Variants in CAPN15 observed in about 807,000 individuals in gnomAD.
The protein encoded by CAPN15 is calpain-15.
CAPN15 carries 53 observed loss-of-function variants against 97.9 expected under a neutral mutation model. The observed-to-expected ratio is 0.54, with a 90% CI of 0.43 to 0.68. The LOEUF (loss-of-function observed/expected upper bound fraction) is 0.68. CAPN15 is among the 30% of genes least tolerant of loss of function. The pLI is 0.00. For missense variants in CAPN15, 1,592 were observed against 1,589.8 expected (o/e 1.00, Z -0.02); for synonymous variants, 922 against 722.5 (o/e 1.28, Z -4.43).
In CAPN15 at chr16:540,163, C is replaced by G. The variant is rs548933149; in HGVS notation, c.-23+4021C>G. 6 of 985,434 alleles carry G rather than the reference C, an allele frequency of 6.1e-6. No individual in the cohort carries two copies. The African/African-American group carries it at 7.0e-5, about 11-fold the overall frequency. 61.0% of individuals were successfully genotyped at this position (985,434 alleles called of 1,614,324 possible). On this transcript the variant is annotated intron_variant, in intron 3 of 13. Coordinates refer to ENST00000219611, the MANE Select transcript of CAPN15 (RefSeq NM_005632.3). ...TGGCCAGAGGTGACCAGGTCCGGCT[C>G]TCAGCACGGCCGCCGGCCGGGGGGC...
Position 546,933 on chromosome 16 carries a change from A to G in CAPN15, c.95A>G (p.Lys32Arg). The change falls in exon 4 of 14, where the codon AAG becomes AGG. Residue 32 changes from lysine (K) to arginine (R), a missense_variant. Lys to Arg is a conservative substitution (Grantham distance 26). Around this residue, in one of 3 missense-constraint regions of CAPN15, gnomAD observed 883 missense variants for 776.6 expected, o/e 1.14. Coordinates refer to ENST00000219611, the MANE Select transcript of CAPN15 (RefSeq NM_005632.3). ...TCCATCTGCGAGGCTCCCCGGCACA[A>G]GCCCGACCTCAACCACATCCTGCGG... ...QCSICEAPRH[K>R]PDLNHILRLS... 1 of 1,610,826 alleles carries G rather than the reference A, an allele frequency of 6.2e-7. No homozygotes were observed. Among genetic ancestry groups the G allele is most frequent in the Non-Finnish European group, 8.5e-7 (1 of 1,179,856 alleles).
intron 3 of CAPN15, chr16:538,213 C>T (rs978166351): frequency 6.6e-6 from 1 of 152,242 alleles, no homozygotes. Flanking sequence ...TGGAGAAGCG[C>T]CTGCAGGCGA....
chr16:543,918 C>A (rs564847206), intron 3 of CAPN15, among the ~76,000 whole-genome samples: 6 of 152,218 alleles, frequency 3.9e-5, no homozygotes, highest in Non-Finnish European at 7.3e-5. Context: ...ACCGCTCCCC[C>A]ACATGGATGA....
rs926756270 is a variant in CAPN15, at chr16:544,331, G to T, written c.-22-2486G>T. Among the ~76,000 whole-genome samples the T allele has an allele frequency of 3.3e-5, 5 of 152,208 alleles. No homozygotes were observed. In the East Asian group the frequency reaches 9.7e-4, roughly 30 times the overall value. On this transcript the variant is annotated intron_variant, in intron 3 of 13. Coordinates refer to ENST00000219611, the MANE Select transcript of CAPN15 (RefSeq NM_005632.3). ...GTTGCGGGGCTGCCCCGGCCGGACG[G>T]GGCATCTGTGTTTCTCGGTGTGGCC...
Position 549,174 on chromosome 16 carries a change from T to C in CAPN15, c.1631T>C (p.Ile544Thr). 7.2e-7 allele frequency: 1 copy of C among 1,383,360 alleles called. No homozygotes were observed. Among genetic ancestry groups the C allele is most frequent in the Non-Finnish European group, 9.6e-7 (1 of 1,041,184 alleles). The allele number at this position is 1,383,360 out of a possible 1,614,324, so 85.7% of individuals were successfully genotyped here. ...TTCCACACACTGCGGCCCTCAGACA[T>C]CCTGCAGGGGCTGCTGGGGAACTGC... The part of the protein sequence containing the change: ...SVFHTLRPSD[I>T]LQGLLGNCWF... The change falls in exon 5 of 14, where the codon ATC (isoleucine) becomes ACC (threonine). Residue 544 changes from isoleucine (I) to threonine (T), a missense_variant. By Grantham distance (89) the Ile-to-Thr change is moderately conservative. Coordinates refer to ENST00000219611, the MANE Select transcript of CAPN15 (RefSeq NM_005632.3).
intron 3 of CAPN15, chr16:539,036 C>T (rs1295198828): frequency 1.3e-5 from 2 of 152,020 alleles, no homozygotes; most frequent in South Asian, 2.1e-4. Flanking sequence ...GTAGCTAGGT[C>T]TACAGGTGCA....
intron 1 of CAPN15, among the ~76,000 whole-genome samples, chr16:528,235 G>T (rs1037231926): frequency 2.0e-5 from 3 of 151,932 alleles, no homozygotes; most frequent in African/African-American, 7.2e-5. Context: ...CCAGGCTGGT[G>T]GGGGCCAGGG....
In CAPN15 at chr16:548,033, G is replaced by T; in HGVS notation, c.1195G>T (p.Val399Leu). 6.4e-7 allele frequency: 1 copy of T among 1,564,530 alleles called. No individual in the cohort carries two copies. The change falls in exon 4 of 14, where the codon GTG (valine) becomes TTG (leucine). Residue 399 changes from valine to leucine, a missense_variant. Around this residue, in one of 3 missense-constraint regions of CAPN15, gnomAD observed 883 missense variants for 776.6 expected, o/e 1.14. Coordinates refer to ENST00000219611, the MANE Select transcript of CAPN15 (RefSeq NM_005632.3). The part of the protein sequence containing the change: ...PSPCGRSCGR[V>L]SSAQKAARVL... ...CCCCTGCGGCAGAAGCTGCGGACGG[G>T]TGTCCTCGGCCCAGAAGGCCGCCCG...
chr16:548,004 C>A lies in CAPN15; in HGVS notation c.1166C>A (p.Pro389His). Reference protein sequence around the residue: ...THCPDCGADKPSPCGRSCGRV... With the variant: ...THCPDCGADKHSPCGRSCGRV... Reference sequence around the variant, plus strand: ...TGCCCCGACTGTGGGGCCGACAAGCCCAGCCCCTGCGGCAGAAGCTGCGGA... The same window carrying A: ...TGCCCCGACTGTGGGGCCGACAAGCACAGCCCCTGCGGCAGAAGCTGCGGA... Residue 389 changes from proline (P) to histidine (H), a missense_variant, in exon 4 of 14, where the codon CCC (proline) becomes CAC (histidine). Physicochemically the swap from Pro to His is moderately conservative, Grantham distance 77 (BLOSUM62 -2). Coordinates refer to ENST00000219611, the MANE Select transcript of CAPN15 (RefSeq NM_005632.3). 6.3e-7 allele frequency: 1 copy of A among 1,578,354 alleles called. No homozygotes were observed. The highest frequency in any genetic ancestry group is 8.6e-7 in the Non-Finnish European group (1 of 1,164,188).
intron 3 of CAPN15, among the ~76,000 whole-genome samples, chr16:542,852 A>T (rs1229128429): frequency 1.3e-5 from 2 of 152,146 alleles, no homozygotes; most frequent in African/African-American, 4.8e-5. Context: ...TCAGGAGTTC[A>T]AGACCAGCCT....
chr16:546,202 C>T (rs892836344), intron 3 of CAPN15, among the ~76,000 whole-genome samples: 7 of 152,270 alleles, frequency 4.6e-5, no homozygotes, highest in Non-Finnish European at 1.0e-4. Flanking sequence ...CTCGCGGAGA[C>T]TTTTTGTTTT....
rs1567160377 is a variant in CAPN15, at chr16:552,245, G to A, written c.2507+33G>A. 2 of 1,534,194 alleles carry A rather than the reference G, an allele frequency of 1.3e-6. No individual in the cohort carries two copies. On this transcript the variant is annotated intron_variant, in intron 10 of 13. Coordinates refer to ENST00000219611, the MANE Select transcript of CAPN15 (RefSeq NM_005632.3). The surrounding 1 kb of genome is among the most constrained non-coding windows in gnomAD (Gnocchi z 6.4). ...CTGCGGGGCCCCATCGGGCTGGGCT[G>A]GGCTAGGCTGGCGGCCGTGACCACG...
intron 3 of CAPN15, 82 bp downstream of exon 3, chr16:536,224 C>G (rs900745707): frequency 3.2e-6 from 1 of 307,912 alleles, no homozygotes; most frequent in Non-Finnish European, 4.8e-6. Context: ...ACATGATAAC[C>G]CCCCTGCCGA....
At chr16:530,923 G>A (rs116993112) in intron 1 of CAPN15, among the ~76,000 whole-genome samples, 140 of 152,356 alleles carry the variant, frequency 9.2e-4, no homozygotes, top group African/African-American at 2.6e-3. Context: ...GAGTCCCGTC[G>A]GGTCATGGGC....
In CAPN15 at chr16:550,871, AG is replaced by A. The variant is rs1487894231; in HGVS notation, c.2067-428del. ...CGGTCGGTGAGGGTCCCGGTCGGTG[AG>A]GGTCCCCTGTCGGTGAGGTCCCTGG... On this transcript the variant is annotated intron_variant, in intron 7 of 13. Coordinates refer to ENST00000219611, the MANE Select transcript of CAPN15 (RefSeq NM_005632.3). Among the ~76,000 whole-genome samples, 5 of 87,472 alleles carry A rather than the reference AG, an allele frequency of 5.7e-5. No homozygotes were observed. In the East Asian group the frequency reaches 1.4e-3, roughly 24 times the overall value. The allele number at this position is 87,472 out of a possible 152,430, so 57.4% of individuals were successfully genotyped here.
Position 547,238 on chromosome 16 carries a change from C to CAGG in CAPN15, c.413_415dup (p.Glu138dup), listed in dbSNP as rs763472680. The CAGG allele has an allele frequency of 9.9e-6, 15 of 1,515,944 alleles. No homozygotes were observed. Among genetic ancestry groups the CAGG allele is most frequent in the Non-Finnish European group, 1.1e-5 (12 of 1,138,188 alleles). 93.9% of individuals were successfully genotyped at this position (1,515,944 alleles called of 1,614,324 possible). ...CAAGGACGAGGAGGAGAAGGAGGAG[C>CAGG]AGGAGGAGGAGGAGGGAGCGGCGGA... is the stretch of plus-strand genomic sequence containing the variant. On this transcript the variant is annotated inframe_insertion, in exon 4 of 14. Transcript: ENST00000219611.
At chr16:531,446 C>T (rs1040094031) in intron 1 of CAPN15, among the ~76,000 whole-genome samples, 1 of 152,202 alleles carries the variant, frequency 6.6e-6, no homozygotes, top group African/African-American at 2.4e-5. Context: ...CCCTACCCCC[C>T]ACCTCCCTGT....
At position 552,014 on chromosome 16, in the gene CAPN15, T is replaced by C; in HGVS notation, c.2346-37T>C. The C allele has an allele frequency of 6.5e-7, 1 of 1,542,200 alleles. No homozygotes were observed. The highest frequency in any genetic ancestry group is 1.2e-5 in the South Asian group (1 of 83,410). On this transcript the variant is annotated intron_variant, in intron 9 of 13. Transcript: ENST00000219611. The surrounding 1 kb of genome is among the most constrained non-coding windows in gnomAD (Gnocchi z 6.4). ...CGCTGAGCCACGGAGGTGTGGGCCG[T>C]GGTAGGCTCAGGGCCCCGTCCTCCC...
chr16:553,147 T>G (rs1273477986), intron 13 of CAPN15, 106 bp downstream of exon 13: 2 of 236,738 alleles, frequency 8.4e-6, no homozygotes, highest in Non-Finnish European at 1.4e-5. Context: ...AGGTGCCCCC[T>G]CCCCTACCCC....
Sources: gnomAD v4.1 joint callset for allele counts (sites outside exome capture counted in the v4.1 genomes callset) on GRCh38, gnomAD v4.1.1 for gene constraint, gnomAD v4.1.1 regional missense constraint, Gnocchi (gnomAD v3.1) non-coding constraint, MANE v1.5 for transcripts, NCBI Gene and HGNC (gene_info 2026-07-23, HGNC 2026-07-21) for gene names.